Variants in ZNF814 observed in about 807,000 individuals in gnomAD.
The protein encoded by ZNF814 is zinc finger protein 814.
In ZNF814, 5 loss-of-function variants were observed where a neutral mutation model predicts 7.5. That is an observed-to-expected ratio of 0.67 (90% CI 0.35 to 1.40). The LOEUF (loss-of-function observed/expected upper bound fraction) is 1.40, where lower values mean the gene tolerates loss of function less well. Among genes scored for constraint, ZNF814 ranks in the 40% most tolerant of loss-of-function variants. The probability of loss-of-function intolerance (pLI) is 0.04; values close to 1 mark genes in which losing one functional copy is unlikely to be tolerated. For synonymous variants in ZNF814, 315 were observed against 340.7 expected, an observed-to-expected ratio of 0.92 and a Z score of 0.83; for missense variants, 962 against 1,018.0, an observed-to-expected ratio of 0.94 and a Z score of 0.75.
At chr19:57,875,721 A>G (rs550636918) in intron 2 of ZNF814, among the ~76,000 whole-genome samples, 1 of 152,296 alleles carries the variant, frequency 6.6e-6, no homozygotes, top group East Asian at 1.9e-4. Context: ...ATTAGATAGG[A>G]GAATGGACAT....
chr19:57,874,925 C>A lies in ZNF814; in HGVS notation c.465G>T (p.Ala155=). The A allele has an allele frequency of 6.2e-7, 1 of 1,613,238 alleles. No homozygotes were observed. Among genetic ancestry groups the A allele is most frequent in the Non-Finnish European group, 8.5e-7 (1 of 1,179,190 alleles). ...EKPYRGSVEE[A]LFAKRCKLHV... ...GCAACTTACACCTCTTTGCAAACAA[C>A]GCCTCCTCAACACTCCCTCTGTAGG... The change falls in exon 3 of 3, where the codon GCG becomes GCT. Residue 155 remains alanine (A), a synonymous_variant. Transcript: ENST00000435989.
intron 1 of ZNF814, among the ~76,000 whole-genome samples, chr19:57,885,107 G>A (rs1271566443): frequency 6.6e-6 from 1 of 152,016 alleles, no homozygotes; most frequent in Non-Finnish European, 1.5e-5. Context: ...GGATCAGGAG[G>A]TCAGGAGATG....
intron 1 of ZNF814, chr19:57,886,001 A>G (rs1277506172): frequency 1.3e-5 from 2 of 151,766 alleles, no homozygotes; most frequent in East Asian, 3.9e-4. Flanking sequence ...AAAAAACAAA[A>G]TAACTCCTGT....
chr19:57,875,612 A>G (rs552063712), intron 2 of ZNF814, among the ~76,000 whole-genome samples: 1 of 152,328 alleles, frequency 6.6e-6, no homozygotes, highest in Admixed American at 6.5e-5. Flanking sequence ...AACAAAGTAT[A>G]TATATTCGCT....
chr19:57,902,897 T>C, the ZNF814 span, among the ~76,000 whole-genome samples: 4 of 152,032 alleles, frequency 2.6e-5, no homozygotes, highest in Admixed American at 2.6e-4. Context: ...GCCAGGATGG[T>C]CTTGATCTTC....
chr19:57,885,522 C>A (rs967740209), intron 1 of ZNF814, among the ~76,000 whole-genome samples: 2 of 150,052 alleles, frequency 1.3e-5, no homozygotes, highest in African/African-American at 2.5e-5. Flanking sequence ...CCCAGCTACT[C>A]CAGAGGCTGA....
At position 57,873,427 on chromosome 19, in the gene ZNF814, T is replaced by C; in HGVS notation, c.1963A>G (p.Thr655Ala). The change falls in exon 3 of 3, where the codon ACT becomes GCT. Residue 655 changes from threonine to alanine, a missense_variant. Around this residue, in one of 7 missense-constraint regions of ZNF814, gnomAD observed 665 missense variants for 551.4 expected, o/e 1.21. Transcript: ENST00000435989. Reference sequence around the variant, plus strand: ...CCACACTTAAAAGGTCTTTCTGTAGTGTGAACTCGCTGATGATTCCTAAGG... The same window carrying C: ...CCACACTTAAAAGGTCTTTCTGTAGCGTGAACTCGCTGATGATTCCTAAGG... ...GHLRNHQRVH[T>A]TERPFKCGEC... The C allele has an allele frequency of 6.2e-7, 1 of 1,613,606 alleles. No individual in the cohort carries two copies. Among genetic ancestry groups the C allele is most frequent in the African/African-American group, 1.3e-5 (1 of 75,046 alleles).
chr19:57,889,647 C>G (rs2071722727), upstream of ZNF814, among the ~76,000 whole-genome samples: 1 of 152,024 alleles, frequency 6.6e-6, no homozygotes, highest in Non-Finnish European at 1.5e-5. Context: ...GGTGGAACAC[C>G]TGAGGTCAGG....
intron 2 of ZNF814, among the ~76,000 whole-genome samples, chr19:57,876,164 G>A (rs561767987): frequency 4.0e-5 from 6 of 151,704 alleles, no homozygotes; most frequent in Non-Finnish European, 8.8e-5. Flanking sequence ...CACCATCTTG[G>A]CCAGGCTGGT....
At chr19:57,895,716 T>C in the ZNF814 span, among the ~76,000 whole-genome samples, 1 of 152,188 alleles carries the variant, frequency 6.6e-6, no homozygotes, top group African/African-American at 2.4e-5. Context: ...CAATTAGTGC[T>C]GCAGCCTATT....
At position 57,873,452 on chromosome 19, in the gene ZNF814, G is replaced by A. The variant is rs1431976413; in HGVS notation, c.1938C>T (p.His646=). The A allele has an allele frequency of 3.1e-6, 5 of 1,614,032 alleles. No homozygotes were observed. The highest frequency in any genetic ancestry group is 4.2e-6 in the Non-Finnish European group (5 of 1,179,996). ...DCGKSFNEKG[H]LRNHQRVHTT... is the part of the protein sequence containing the mutation. ...TGTGAACTCGCTGATGATTCCTAAG[G>A]TGTCCTTTTTCATTAAAAGATTTCC... Residue 646 remains histidine, a synonymous_variant, in exon 3 of 3, where the codon CAC becomes CAT. Transcript: ENST00000435989.
intron 2 of ZNF814, 138 bp downstream of exon 2, chr19:57,876,778 T>C: frequency 4.8e-6 from 7 of 1,450,624 alleles, no homozygotes; most frequent in Non-Finnish European, 6.5e-6. Context: ...ACCTCAGACC[T>C]ACCAACCAAG....
At chr19:57,887,149 T>C (rs142054669) in intron 1 of ZNF814, among the ~76,000 whole-genome samples, 3,404 of 152,250 alleles carry the variant, frequency 0.022, 135 homozygotes, top group African/African-American at 0.078. Context: ...GATCACACCA[T>C]TGTACTCCTG....
At chr19:57,888,703 T>G in intron 1 of ZNF814, 64 bp downstream of exon 1, 1 of 1,543,672 alleles carries the variant, frequency 6.5e-7, no homozygotes, top group Non-Finnish European at 8.8e-7. Flanking sequence ...GAACAGGCGC[T>G]GCTACCTCGC....
At chr19:57,890,969 A>G (rs1964336), upstream of ZNF814, among the ~76,000 whole-genome samples, 55,101 of 151,868 alleles carry the variant, frequency 0.36, 10,379 homozygotes, top group East Asian at 0.47. Context: ...GACAGTGAAG[A>G]CATTCTAAGT....
upstream of ZNF814, among the ~76,000 whole-genome samples, chr19:57,889,400 C>T (rs1326353836): frequency 6.6e-6 from 1 of 151,954 alleles, no homozygotes; most frequent in South Asian, 2.1e-4. Context: ...AAAATATTAG[C>T]GGAGTGTGGT....
the ZNF814 span, among the ~76,000 whole-genome samples, chr19:57,899,592 C>G: frequency 6.6e-6 from 1 of 152,142 alleles, no homozygotes; most frequent in East Asian, 1.9e-4. Flanking sequence ...TTTTTTCTGC[C>G]TTACAAGGTG....
chr19:57,903,901 TAA>T, the ZNF814 span, among the ~76,000 whole-genome samples: 14 of 152,260 alleles, frequency 9.2e-5, no homozygotes, highest in East Asian at 1.5e-3. Flanking sequence ...TGACATAATG[TAA>T]AAGAGTCTTG....
intron 1 of ZNF814, among the ~76,000 whole-genome samples, chr19:57,877,681 T>C (rs1285240462): frequency 6.6e-6 from 1 of 151,792 alleles, no homozygotes; most frequent in Non-Finnish European, 1.5e-5. Context: ...GACCTCGTAA[T>C]CCTCCCACCT....
Sources: gnomAD v4.1 joint callset for allele counts (sites outside exome capture counted in the v4.1 genomes callset) on GRCh38, gnomAD v4.1.1 for gene constraint, gnomAD v4.1.1 regional missense constraint, MANE v1.5 for transcripts, NCBI Gene and HGNC (gene_info 2026-07-23, HGNC 2026-07-21) for gene names.